The following FEZ1 variants were observed in gnomAD, a reference collection of about 807,000 sequenced individuals.
FEZ1 encodes fasciculation and elongation protein zeta 1.
A neutral mutation model predicts 49.3 loss-of-function variants in FEZ1; 20 were observed. That is an observed-to-expected ratio of 0.41 (90% CI 0.29 to 0.59). FEZ1 has a LOEUF of 0.59. Among genes scored for constraint, FEZ1 ranks in the 20% least tolerant of loss-of-function variants. FEZ1 has a pLI of 0.36. For missense variants in FEZ1, 413 were observed against 476.0 expected (o/e 0.87, Z 1.23); for synonymous variants, 170 against 180.9 (o/e 0.94, Z 0.48).
chr11:125,483,801 A>G (rs1040151402), intron 2 of FEZ1, among the ~76,000 whole-genome samples: 3 of 152,196 alleles, frequency 2.0e-5, no homozygotes, highest in African/African-American at 7.2e-5. Context: ...GAAGCTGAGA[A>G]CTTTAACGAG....
intron 3 of FEZ1, among the ~76,000 whole-genome samples, chr11:125,465,382 G>A (rs1479586822): frequency 2.0e-5 from 3 of 152,118 alleles, no homozygotes; most frequent in South Asian, 4.1e-4. Context: ...CAGGAAGAAG[G>A]CAGGGAGGAA....
In FEZ1 at chr11:125,460,590, T is replaced by G. The variant is rs754185701; in HGVS notation, c.575A>C (p.Asp192Ala). The G allele has an allele frequency of 1.2e-6, 2 of 1,614,026 alleles. No individual in the cohort carries two copies. Among genetic ancestry groups the G allele is most frequent in the Non-Finnish European group, 1.7e-6 (2 of 1,179,892 alleles). ...TGCCTGGGAGGAAGTTTCTCCTCCA[T>G]CCTCTTCTTCCAGAACCTCCTCTTC... ...EEEEEVLEEE[D>A]GGETSSQADS... Residue 192 changes from aspartate (D) to alanine (A), a missense_variant, in exon 5 of 10, where the codon GAT becomes GCT. Transcript: ENST00000278919.
intron 1 of FEZ1, among the ~76,000 whole-genome samples, chr11:125,493,429 A>AGAAG: frequency 5.6e-5 from 2 of 35,492 alleles, no homozygotes; most frequent in South Asian, 2.1e-3. Flanking sequence ...AAAGAAGGAA[A>AGAAG]GAAGGAAAGA....
chr11:125,469,014 A>C lies in FEZ1; in HGVS notation c.412-5444T>G, dbSNP rs534396740. On this transcript the variant is annotated intron_variant, in intron 3 of 9. Transcript: ENST00000278919. ...GAGGGTGAGGGTTCTCACCAAAAACAGAGAGAGGATGTAAGACTCTACAGA... is the reference window on the plus strand; with the variant it reads ...GAGGGTGAGGGTTCTCACCAAAAACCGAGAGAGGATGTAAGACTCTACAGA... The C allele has an allele frequency of 2.6e-5, 4 of 152,380 alleles. No individual in the cohort carries two copies. The South Asian group carries it at 8.3e-4, about 32-fold the overall frequency. 9.4% of individuals were successfully genotyped at this position (152,380 alleles called of 1,614,324 possible).
At chr11:125,476,147 G>A (rs937120031) in intron 3 of FEZ1, among the ~76,000 whole-genome samples, 8 of 152,208 alleles carry the variant, frequency 5.3e-5, no homozygotes, top group South Asian at 2.1e-4. Flanking sequence ...GAGATTGGGC[G>A]GTGAGAGAGA....
intron 3 of FEZ1, among the ~76,000 whole-genome samples, chr11:125,465,936 C>T (rs12273116): frequency 0.011 from 1,666 of 152,318 alleles, 29 homozygotes; most frequent in African/African-American, 0.029. Context: ...CTTCCCTCCC[C>T]TCCTTGACCA....
Position 125,449,598 on chromosome 11 carries a change from A to G in FEZ1, c.1097-1031T>C, listed in dbSNP as rs372235787. 4.0e-4 allele frequency among the ~76,000 whole-genome samples: 61 copies of G among 152,304 alleles called. No homozygotes were observed. In the South Asian group the frequency reaches 7.5e-3, roughly 19 times the overall value. On this transcript the variant is annotated intron_variant, in intron 8 of 9. Coordinates refer to ENST00000278919, the MANE Select transcript of FEZ1 (RefSeq NM_005103.5). The stretch of plus-strand genomic sequence containing the variant: ...ACAATAATACATGAAACTGTTAAGT[A>G]GTTATCTCTGAGTGTAAGACAATAG...
intron 7 of FEZ1, 131 bp from the exon 8 acceptor site, chr11:125,452,540 C>T (rs2135739295): frequency 1.6e-6 from 1 of 626,822 alleles, no homozygotes; most frequent in South Asian, 2.0e-5. Context: ...ACTGGTACGT[C>T]ACTGTTTCAG....
intron 9 of FEZ1, among the ~76,000 whole-genome samples, chr11:125,448,072 C>A (rs1469888340): frequency 6.6e-6 from 1 of 152,128 alleles, no homozygotes; most frequent in Non-Finnish European, 1.5e-5. Context: ...GTGTATTATG[C>A]CATTTCCTCT....
intron 9 of FEZ1, among the ~76,000 whole-genome samples, chr11:125,447,003 A>C (rs188354526): frequency 6.6e-6 from 1 of 152,352 alleles, no homozygotes; most frequent in African/African-American, 2.4e-5. Context: ...AGGTCCCACA[A>C]ATATGGTCCC....
At chr11:125,450,676 C>G (rs564158164) in intron 8 of FEZ1, among the ~76,000 whole-genome samples, 1 of 151,704 alleles carries the variant, frequency 6.6e-6, no homozygotes, top group African/African-American at 2.4e-5. Flanking sequence ...TTTCTAAAAG[C>G]AATAAAATGT....
In FEZ1 at chr11:125,463,485, T is replaced by C; in HGVS notation, c.497A>G (p.Gln166Arg). 6.4e-7 allele frequency: 1 copy of C among 1,573,760 alleles called. No individual in the cohort carries two copies. Residue 166 changes from glutamine to arginine, a missense_variant and splice_region_variant, in exon 4 of 10, where the codon CAG becomes CGG. Transcript: ENST00000278919. ...GATAACCTGGAGAGATACTTATACCTGATCTGCTGTGAGCAGAGGCTCCTC... is the reference window on the plus strand; with the variant it reads ...GATAACCTGGAGAGATACTTATACCCGATCTGCTGTGAGCAGAGGCTCCTC... ...INEEPLLTAD[Q>R]VIEEIEEMMQ...
intron 3 of FEZ1, among the ~76,000 whole-genome samples, chr11:125,464,445 A>T (rs1200580049): frequency 6.6e-6 from 1 of 152,226 alleles, no homozygotes; most frequent in Admixed American, 6.5e-5. Context: ...AGGAGGCAGG[A>T]GGTGTCTCTA....
chr11:125,463,941 G>A (rs1351058144), intron 3 of FEZ1, among the ~76,000 whole-genome samples: 3 of 152,160 alleles, frequency 2.0e-5, no homozygotes, highest in Admixed American at 6.5e-5. Flanking sequence ...TGCAGCAAAG[G>A]TGCCCTGATT....
rs768412836 is a variant in FEZ1, at chr11:125,495,571, G to C, written c.-46+550C>G. ...CTGACACTGCAGGAATGCGCGGTCT[G>C]GGGAAGGCTCCGCACTCTGGGGAGG... On this transcript the variant is annotated intron_variant, in intron 1 of 9. Transcript: ENST00000278919. The surrounding 1 kb of genome is among the most constrained non-coding windows in gnomAD (Gnocchi z 4.2). The C allele has an allele frequency of 1.1e-5, 5 of 470,942 alleles. No homozygotes were observed. The East Asian group carries it at 3.5e-4, about 33-fold the overall frequency. The allele number at this position is 470,942 out of a possible 1,614,324, so 29.2% of individuals were successfully genotyped here.
Position 125,495,606 on chromosome 11 carries a change from G to C in FEZ1, c.-46+515C>G, listed in dbSNP as rs1315482756. 1 of 466,494 alleles carries C rather than the reference G, an allele frequency of 2.1e-6. No individual in the cohort carries two copies. Among genetic ancestry groups the C allele is most frequent in the African/African-American group, 2.0e-5 (1 of 49,992 alleles). 28.9% of individuals were successfully genotyped at this position (466,494 alleles called of 1,614,324 possible). Reference sequence around the variant, plus strand: ...CCGCACTCTGGGGAGGGGCACGAGCGGGGTCGGGGGTAAGTTTTTAGGGAC... The same window carrying C: ...CCGCACTCTGGGGAGGGGCACGAGCCGGGTCGGGGGTAAGTTTTTAGGGAC... On this transcript the variant is annotated intron_variant, in intron 1 of 9. Transcript: ENST00000278919. This position sits in a 1 kb window ranked among gnomAD's most constrained non-coding sequence, Gnocchi z 4.2.
At chr11:125,458,926 C>T (rs569934280) in intron 5 of FEZ1, among the ~76,000 whole-genome samples, 29 of 152,140 alleles carry the variant, frequency 1.9e-4, no homozygotes, top group South Asian at 4.2e-4. Context: ...ATTAGCCAGG[C>T]GTAGTGGTGC....
chr11:125,480,841 C>T (rs1004130358), intron 3 of FEZ1, among the ~76,000 whole-genome samples: 2 of 152,066 alleles, frequency 1.3e-5, no homozygotes, highest in Non-Finnish European at 2.9e-5. Flanking sequence ...AGATCAAGAC[C>T]ATCCTGGCTA....
chr11:125,469,768 G>C (rs1263469342), intron 3 of FEZ1, among the ~76,000 whole-genome samples: 1 of 151,198 alleles, frequency 6.6e-6, no homozygotes, highest in Non-Finnish European at 1.5e-5. Flanking sequence ...GTAGAGACAG[G>C]GTCTTACTGT....
Sources: allele counts gnomAD v4.1 joint callset (sites outside exome capture counted in the v4.1 genomes callset), GRCh38; gene constraint gnomAD v4.1.1; non-coding constraint Gnocchi (gnomAD v3.1); transcripts MANE v1.5; gene names NCBI Gene and HGNC (gene_info 2026-07-23, HGNC 2026-07-21).